Variants in STAU2 observed in about 807,000 individuals in gnomAD.
The protein encoded by STAU2 is double-stranded RNA-binding protein Staufen homolog 2.
In STAU2, 20 loss-of-function variants were observed where a neutral mutation model predicts 65.9. The ratio of observed to expected loss-of-function variants is 0.30; its 90% CI spans 0.21 to 0.44. STAU2 has a LOEUF of 0.44. STAU2 is among the 20% of genes least tolerant of loss of function. The probability of loss-of-function intolerance (pLI) is 1.00; values close to 1 mark genes in which losing one functional copy is unlikely to be tolerated. For missense variants in STAU2, 558 were observed against 683.9 expected (o/e 0.82, Z 2.05); for synonymous variants, 232 against 233.9 (o/e 0.99, Z 0.07).
intron 13 of STAU2, among the ~76,000 whole-genome samples, chr8:73,548,673 T>C (rs1207520746): frequency 6.6e-6 from 1 of 152,186 alleles, no homozygotes; most frequent in African/African-American, 2.4e-5. Context: ...AAACTAATTA[T>C]AGTTTAACTA....
At chr8:73,746,497 C>A (rs2130805782) in intron 1 of STAU2, among the ~76,000 whole-genome samples, 1 of 152,042 alleles carries the variant, frequency 6.6e-6, no homozygotes, top group South Asian at 2.1e-4. Context: ...CCCGGCTCCT[C>A]CCCTCAGGAC....
chr8:73,469,472 TTA>T (rs1819854491), intron 13 of STAU2, among the ~76,000 whole-genome samples: 2 of 61,092 alleles, frequency 3.3e-5, no homozygotes, highest in Admixed American at 1.8e-4. Context: ...ATATATATAT[TTA>T]AAAAAAAAAA....
At chr8:73,688,562 T>A in intron 5 of STAU2, 92 bp downstream of exon 5, 12 of 1,229,664 alleles carry the variant, frequency 9.8e-6, no homozygotes, top group East Asian at 2.6e-5. Context: ...TATTAATACT[T>A]GCTCACTCTG....
At chr8:73,441,612 T>A (rs1467603150) in intron 13 of STAU2, 1 of 152,182 alleles carries the variant, frequency 6.6e-6, no homozygotes, top group Non-Finnish European at 1.5e-5. Flanking sequence ...ACTGAAAGAA[T>A]GAATGAGTGG....
At position 73,587,455 on chromosome 8, in the gene STAU2, C is replaced by A. The variant is rs571786292; in HGVS notation, c.1162-4625G>T. Among the ~76,000 whole-genome samples, 29 of 152,272 alleles carry A rather than the reference C, an allele frequency of 1.9e-4. No homozygotes were observed. The South Asian group carries it at 6.0e-3, about 32-fold the overall frequency. ...ATAATGGTGAAGAGAAGAACCTTAA[C>A]AGCAGCTCTGCAGCAGGCATATCGA... On this transcript the variant is annotated intron_variant, in intron 11 of 14. Transcript: ENST00000524300.
chr8:73,693,514 A>T (rs1457411212), intron 4 of STAU2, among the ~76,000 whole-genome samples: 1 of 152,232 alleles, frequency 6.6e-6, no homozygotes, highest in East Asian at 1.9e-4. Flanking sequence ...ATAGAAAAAA[A>T]TTTCTTTTTA....
At position 73,442,198 on chromosome 8, in the gene STAU2, C is replaced by CA. The variant is rs1563594412; in HGVS notation, c.1531-19497dup. Among the ~76,000 whole-genome samples, 3 of 151,582 alleles carry CA rather than the reference C, an allele frequency of 2.0e-5. No homozygotes were observed. The East Asian group carries it at 5.9e-4, about 30-fold the overall frequency. ...TGAAACCCCTTCTCTACTAAAAATA[C>CA]AAAAAATTAGCTGGGTGTGGTGGCG... On this transcript the variant is annotated intron_variant, in intron 13 of 14. Transcript: ENST00000524300.
intron 6 of STAU2, among the ~76,000 whole-genome samples, chr8:73,664,365 C>T (rs927958199): frequency 7.2e-5 from 11 of 152,160 alleles, no homozygotes; most frequent in African/African-American, 2.7e-4. Context: ...GTGTGTATTA[C>T]TGCCTTGTTC....
At chr8:73,483,525 TA>T (rs5892423) in intron 13 of STAU2, among the ~76,000 whole-genome samples, 77,807 of 151,846 alleles carry the variant, frequency 0.51, 20,233 homozygotes, top group Admixed American at 0.62. Flanking sequence ...CCTTAACATT[TA>T]AGCAAAGCTG....
At chr8:73,521,210 A>T (rs748744507) in intron 13 of STAU2, among the ~76,000 whole-genome samples, 4 of 152,168 alleles carry the variant, frequency 2.6e-5, no homozygotes, top group Non-Finnish European at 5.9e-5. Context: ...CTACAAGCAG[A>T]ACTTAATCAA....
intron 4 of STAU2, among the ~76,000 whole-genome samples, chr8:73,691,626 T>C (rs79045715): frequency 7.0e-4 from 107 of 152,226 alleles, no homozygotes; most frequent in African/African-American, 2.1e-3. Context: ...TATACTAAGA[T>C]ATATACATGC....
chr8:73,502,334 T>C (rs1284084358), intron 13 of STAU2, among the ~76,000 whole-genome samples: 1 of 151,996 alleles, frequency 6.6e-6, no homozygotes, highest in Non-Finnish European at 1.5e-5. Flanking sequence ...ACATGTCCTA[T>C]ACCAGTGCAT....
chr8:73,734,460 A>C (rs929852128), intron 3 of STAU2, among the ~76,000 whole-genome samples: 1 of 152,174 alleles, frequency 6.6e-6, no homozygotes. Context: ...CCTAGTTTTT[A>C]ATTAGTTTTA....
chr8:73,485,458 C>T (rs1820866840), intron 13 of STAU2, among the ~76,000 whole-genome samples: 2 of 151,932 alleles, frequency 1.3e-5, no homozygotes, highest in African/African-American at 4.8e-5. Flanking sequence ...GAGAAAAGTG[C>T]CAAGTGCAAG....
intron 3 of STAU2, among the ~76,000 whole-genome samples, chr8:73,715,080 C>T (rs1229099382): frequency 8.2e-6 from 1 of 122,336 alleles, no homozygotes; most frequent in Non-Finnish European, 1.6e-5. Context: ...GAGACTCCGT[C>T]TCAAAAAAAA....
chr8:73,611,101 G>A (rs550514262), intron 9 of STAU2, among the ~76,000 whole-genome samples: 7 of 152,284 alleles, frequency 4.6e-5, no homozygotes, highest in East Asian at 1.9e-4. Context: ...TCCATTGAGT[G>A]TAACAAACTA....
chr8:73,562,065 A>G (rs1808270803), intron 12 of STAU2, among the ~76,000 whole-genome samples: 1 of 152,364 alleles, frequency 6.6e-6, no homozygotes, highest in South Asian at 2.1e-4. Flanking sequence ...AGTTCTGGGC[A>G]TTTAGATTCT....
intron 12 of STAU2, among the ~76,000 whole-genome samples, chr8:73,568,994 A>G (rs2128954238): frequency 6.6e-6 from 1 of 151,938 alleles, no homozygotes. Context: ...GGTGCAGCAC[A>G]CGGAGCAGGG....
rs964647053 is a variant in STAU2, at chr8:73,548,018, G to T, written c.1530+3994C>A. Reference sequence around the variant, plus strand: ...CATGATTTAAAGTATAAGGGAGGATGTGTGTAGGTTATATGTAAATACTAC... The same window carrying T: ...CATGATTTAAAGTATAAGGGAGGATTTGTGTAGGTTATATGTAAATACTAC... On this transcript the variant is annotated intron_variant, in intron 13 of 14. Transcript: ENST00000524300. 2.6e-5 allele frequency among the ~76,000 whole-genome samples: 4 copies of T among 152,128 alleles called. No individual in the cohort carries two copies. In the South Asian group the frequency reaches 8.3e-4, roughly 32 times the overall value.
Sources: allele counts gnomAD v4.1 joint callset (sites outside exome capture counted in the v4.1 genomes callset), GRCh38; gene constraint gnomAD v4.1.1; transcripts MANE v1.5; gene names NCBI Gene and HGNC (gene_info 2026-07-23, HGNC 2026-07-21).